Variants in TAFA2 observed in about 807,000 individuals in gnomAD.
TAFA2 encodes the protein TAFA chemokine like family member 2.
TAFA2 carries 7 observed loss-of-function variants against 18.8 expected under a neutral mutation model. The ratio of observed to expected loss-of-function variants is 0.37; its 90% CI spans 0.21 to 0.70. The LOEUF (loss-of-function observed/expected upper bound fraction) is 0.70. Ranked by LOEUF, TAFA2 falls within the 30% of genes least tolerant of loss-of-function variation. The pLI is 0.53. For synonymous variants in TAFA2, 60 were observed against 54.2 expected (o/e 1.11, Z -0.47); for missense variants, 122 against 158.1 (o/e 0.77, Z 1.23).
intron 1 of TAFA2, among the ~76,000 whole-genome samples, chr12:61,884,632 A>G (rs2121280951): frequency 6.6e-6 from 1 of 152,286 alleles, no homozygotes; most frequent in Non-Finnish European, 1.5e-5. Context: ...AGAGTTTATA[A>G]TTTGTTTCAG....
intron 1 of TAFA2, among the ~76,000 whole-genome samples, chr12:62,222,207 A>ACACG (rs2062766074): frequency 6.6e-6 from 1 of 152,016 alleles, no homozygotes; most frequent in African/African-American, 2.4e-5. Flanking sequence ...ACACACACAC[A>ACACG]CACATCTGGA....
chr12:61,720,550 AG>A (rs1295106220), intron 4 of TAFA2: 1 of 183,338 alleles, frequency 5.5e-6, no homozygotes, highest in Non-Finnish European at 1.1e-5. Flanking sequence ...CTGACCACTG[AG>A]GCAGTTCTTT....
intron 1 of TAFA2, among the ~76,000 whole-genome samples, chr12:62,152,535 C>G (rs2062335744): frequency 6.6e-6 from 1 of 152,168 alleles, no homozygotes; most frequent in African/African-American, 2.4e-5. Flanking sequence ...GAAGGATAGA[C>G]AAGAATATTT....
At chr12:62,184,128 C>A (rs966673562) in intron 1 of TAFA2, among the ~76,000 whole-genome samples, 2 of 152,076 alleles carry the variant, frequency 1.3e-5, no homozygotes, top group African/African-American at 4.8e-5. Context: ...GCTGAAGAAC[C>A]CAAATAGCAA....
intron 2 of TAFA2, among the ~76,000 whole-genome samples, chr12:61,828,652 G>C (rs1872608996): frequency 6.6e-6 from 1 of 151,756 alleles, no homozygotes; most frequent in Non-Finnish European, 1.5e-5. Context: ...CAATATTTGG[G>C]AGAAAAAATT....
At chr12:61,943,748 AG>A (rs1429287043) in intron 1 of TAFA2, among the ~76,000 whole-genome samples, 2 of 148,604 alleles carry the variant, frequency 1.3e-5, no homozygotes, top group Non-Finnish European at 3.0e-5. Context: ...CAACAAGAGG[AG>A]CTAACTATCC....
intron 1 of TAFA2, among the ~76,000 whole-genome samples, chr12:62,080,657 C>T (rs141912121): frequency 6.6e-6 from 1 of 152,084 alleles, no homozygotes. Context: ...CTATTAAATC[C>T]CTGAACTTCT....
At chr12:62,043,276 T>G (rs1370442476) in intron 1 of TAFA2, among the ~76,000 whole-genome samples, 1 of 152,178 alleles carries the variant, frequency 6.6e-6, no homozygotes, top group East Asian at 1.9e-4. Context: ...TGGAATACTA[T>G]GCAGCCATAA....
At chr12:62,180,698 T>C (rs1455938499) in intron 1 of TAFA2, among the ~76,000 whole-genome samples, 1 of 152,130 alleles carries the variant, frequency 6.6e-6, no homozygotes, top group African/African-American at 2.4e-5. Flanking sequence ...TCTGAGCATA[T>C]TAGCTATACT....
chr12:61,962,534 T>A (rs1878921871), intron 1 of TAFA2, among the ~76,000 whole-genome samples: 1 of 152,024 alleles, frequency 6.6e-6, no homozygotes, highest in Non-Finnish European at 1.5e-5. Context: ...GATTACATCC[T>A]CATGGGAATT....
At chr12:62,098,671 G>T (rs1357863001) in intron 1 of TAFA2, among the ~76,000 whole-genome samples, 2 of 152,114 alleles carry the variant, frequency 1.3e-5, no homozygotes, top group Non-Finnish European at 1.5e-5. Flanking sequence ...TGAGTTGGAA[G>T]TCTACGCCTC....
At chr12:62,219,507 TA>T (rs1271613772) in intron 1 of TAFA2, among the ~76,000 whole-genome samples, 2 of 152,216 alleles carry the variant, frequency 1.3e-5, no homozygotes, top group Non-Finnish European at 2.9e-5. Flanking sequence ...AGTTATTCGA[TA>T]ATAATCAAAA....
At chr12:61,838,802 T>A (rs1222225965) in intron 2 of TAFA2, among the ~76,000 whole-genome samples, 1 of 152,046 alleles carries the variant, frequency 6.6e-6, no homozygotes, top group Non-Finnish European at 1.5e-5. Context: ...AACATTTGAC[T>A]TTCCAGAAAA....
chr12:62,019,690 G>C (rs559655378), intron 1 of TAFA2, among the ~76,000 whole-genome samples: 2 of 149,494 alleles, frequency 1.3e-5, no homozygotes, highest in Non-Finnish European at 3.0e-5. Context: ...GGAGGGAGGG[G>C]GATAGCATTA....
intron 2 of TAFA2, among the ~76,000 whole-genome samples, chr12:61,779,552 A>G (rs1372894320): frequency 2.6e-5 from 4 of 151,762 alleles, no homozygotes; most frequent in Admixed American, 2.6e-4. Flanking sequence ...GCTAAAGCCT[A>G]CCTTTGCTAA....
chr12:61,936,627 A>G (rs1248994690), intron 1 of TAFA2, among the ~76,000 whole-genome samples: 3 of 152,232 alleles, frequency 2.0e-5, no homozygotes, highest in East Asian at 3.9e-4. Context: ...GCATCCCTTT[A>G]TAATAAAAAC....
rs71083977 is a variant in TAFA2 at position 62,123,781 on chromosome 12, T to TACACACACACACACACACAC, written c.-2+67458_-2+67477dup. On this transcript the variant is annotated intron_variant, in intron 1 of 4. Transcript: ENST00000416284. ...TCTCAAATCTCCCCCACCACACACATACACACACACACACACACACACACA... is the reference window on the plus strand; with the variant it reads ...TCTCAAATCTCCCCCACCACACACATACACACACACACACACACACACACACACACACACACACACACACA... Among the ~76,000 whole-genome samples, 1,219 of 132,838 alleles carry TACACACACACACACACACAC rather than the reference T, an allele frequency of 9.2e-3. 22 individuals are homozygous for TACACACACACACACACACAC. The highest frequency in any genetic ancestry group is 0.021 in the South Asian group (82 of 3,884). 87.1% of individuals were successfully genotyped at this position (132,838 alleles called of 152,430 possible).
intron 1 of TAFA2, among the ~76,000 whole-genome samples, chr12:61,957,707 A>C (rs1188338341): frequency 2.6e-5 from 4 of 152,082 alleles, no homozygotes; most frequent in East Asian, 3.9e-4. Flanking sequence ...CTCTATACTC[A>C]GCTAAAAGTC....
intron 1 of TAFA2, chr12:62,255,171 T>C (rs7976608): frequency 1.1e-4 from 16 of 152,084 alleles, no homozygotes; most frequent in Admixed American, 6.5e-4. Flanking sequence ...TAAATGAGTA[T>C]AAAAATTTAA....
Sources: gnomAD v4.1 joint callset for allele counts (sites outside exome capture counted in the v4.1 genomes callset) on GRCh38, gnomAD v4.1.1 for gene constraint, MANE v1.5 for transcripts, NCBI Gene and HGNC (gene_info 2026-07-23, HGNC 2026-07-21) for gene names.